The following PITPNM2 variants were observed in gnomAD, a reference collection of about 807,000 sequenced individuals.
The protein encoded by PITPNM2 is phosphatidylinositol transfer protein membrane associated 2, also known as membrane-associated phosphatidylinositol transfer protein 2.
A neutral mutation model predicts 132.2 loss-of-function variants in PITPNM2; 35 were observed. The observed-to-expected ratio is 0.26, with a 90% CI of 0.20 to 0.35. The LOEUF (loss-of-function observed/expected upper bound fraction) is 0.35, where lower values mean the gene tolerates loss of function less well. PITPNM2 is among the 10% of genes least tolerant of loss of function. The pLI is 1.00. For missense variants in PITPNM2, 1,332 were observed against 1,912.0 expected (o/e 0.70, Z 5.66); for synonymous variants, 738 against 799.2 (o/e 0.92, Z 1.29).
At chr12:122,988,203 G>A (rs1047485842) in intron 20 of PITPNM2, 31 bp downstream of exon 20, 26 of 1,572,360 alleles carry the variant, frequency 1.7e-5, no homozygotes, top group Middle Eastern at 1.7e-4. Context: ...GGGTGACATC[G>A]TGGGGGCCTG....
intron 6 of PITPNM2, among the ~76,000 whole-genome samples, chr12:123,006,863 T>C (rs1258247170): frequency 6.6e-6 from 1 of 152,026 alleles, no homozygotes; most frequent in African/African-American, 2.4e-5. Flanking sequence ...TGCTCTGAAG[T>C]TGTGCCCAGC....
chr12:123,116,136 T>C (rs1234464411), intron 1 of PITPNM2, among the ~76,000 whole-genome samples: 1 of 152,128 alleles, frequency 6.6e-6, no homozygotes, highest in African/African-American at 2.4e-5. Context: ...TAGCCAACAG[T>C]ATGGGATGGA....
At chr12:122,998,579 G>A (rs1056593729) in intron 10 of PITPNM2, among the ~76,000 whole-genome samples, 2 of 152,222 alleles carry the variant, frequency 1.3e-5, no homozygotes, top group African/African-American at 4.8e-5. Flanking sequence ...AGGGGCCACT[G>A]ATGAGTACTT....
At position 123,000,171 on chromosome 12, in the gene PITPNM2, G is replaced by A. The variant is rs988750342; in HGVS notation, c.1224+607C>T. 15 of 563,166 alleles carry A rather than the reference G, an allele frequency of 2.7e-5. No individual in the cohort carries two copies. The highest frequency in any genetic ancestry group is 1.5e-4 in the African/African-American group (8 of 53,186). The allele number at this position is 563,166 out of a possible 1,614,324, so 34.9% of individuals were successfully genotyped here. ...TAGCTTGAGGCCAGAGCAGTGCGGT[G>A]ACCGCAGGTGATGGTGGGACAGCCC... On this transcript the variant is annotated intron_variant, in intron 10 of 25. Coordinates refer to ENST00000320201, the MANE Select transcript of PITPNM2 (RefSeq NM_020845.3). The surrounding 1 kb of genome is among the most constrained non-coding windows in gnomAD (Gnocchi z 5.4).
chr12:123,054,214 G>A (rs370497880), intron 2 of PITPNM2, among the ~76,000 whole-genome samples: 5 of 151,300 alleles, frequency 3.3e-5, no homozygotes, highest in Admixed American at 3.3e-4. Flanking sequence ...TCTTGGGCTC[G>A]AGCGATCCAC....
Position 122,997,011 on chromosome 12 carries a change from T to C in PITPNM2, c.1473-101A>G, listed in dbSNP as rs571886387. Reference sequence around the variant, plus strand: ...TCTCAGCCATGGACTCAGCATACGCTAGTGAGGACCCTTCCCGGCCAGGGC... The same window carrying C: ...TCTCAGCCATGGACTCAGCATACGCCAGTGAGGACCCTTCCCGGCCAGGGC... On this transcript the variant is annotated intron_variant, in intron 11 of 25. Coordinates refer to ENST00000320201, the MANE Select transcript of PITPNM2 (RefSeq NM_020845.3). The C allele has an allele frequency of 7.8e-5, 94 of 1,198,580 alleles. No homozygotes were observed. The African/African-American group carries it at 1.2e-3, about 16-fold the overall frequency. The allele number at this position is 1,198,580 out of a possible 1,614,324, so 74.2% of individuals were successfully genotyped here.
chr12:123,138,155 A>G (rs1484794335), intron 1 of PITPNM2, among the ~76,000 whole-genome samples: 3 of 152,194 alleles, frequency 2.0e-5, no homozygotes, highest in Non-Finnish European at 4.4e-5. Context: ...TCAGTCTTAA[A>G]AAGAAAAGAC....
rs558262197 is a variant in PITPNM2 at position 123,018,183 on chromosome 12, C to T, written c.79-4141G>A. On this transcript the variant is annotated intron_variant, in intron 3 of 25. Transcript: ENST00000320201. ...CTCTTGGGCTCTAGTGATCCTCTCA[C>T]CTCAACCACCTGAGTAGCTGAGACT... Among the ~76,000 whole-genome samples, 6 of 152,012 alleles carry T rather than the reference C, an allele frequency of 3.9e-5. No individual in the cohort carries two copies. In the South Asian group the frequency reaches 1.2e-3, roughly 32 times the overall value.
At chr12:123,112,388 T>C (rs112565227) in intron 1 of PITPNM2, among the ~76,000 whole-genome samples, 306 of 152,244 alleles carry the variant, frequency 2.0e-3, no homozygotes, top group African/African-American at 7.0e-3. Context: ...TTGCTGGGGT[T>C]TGTTGCATGT....
At chr12:123,029,856 T>C (rs12318362) in intron 3 of PITPNM2, among the ~76,000 whole-genome samples, 13,865 of 148,598 alleles carry the variant, frequency 0.093, 2,111 homozygotes, top group African/African-American at 0.33. Context: ...TGTGTGTGTG[T>C]GCACTAGAGC....
At chr12:123,124,024 C>T (rs1244081610) in intron 1 of PITPNM2, among the ~76,000 whole-genome samples, 1 of 151,860 alleles carries the variant, frequency 6.6e-6, no homozygotes, top group Non-Finnish European at 1.5e-5. Flanking sequence ...GGGAGGCCGA[C>T]GCGGGCAGAT....
At chr12:123,104,157 C>T (rs1406944897) in intron 2 of PITPNM2, among the ~76,000 whole-genome samples, 1 of 152,170 alleles carries the variant, frequency 6.6e-6, no homozygotes, top group Non-Finnish European at 1.5e-5. Context: ...TCTCGAACTC[C>T]CGACCTCAGG....
intron 2 of PITPNM2, among the ~76,000 whole-genome samples, chr12:123,072,356 C>A (rs917493515): frequency 6.6e-6 from 1 of 152,200 alleles, no homozygotes; most frequent in African/African-American, 2.4e-5. Flanking sequence ...TTCTCCCCTG[C>A]CCTCCAGCCC....
intron 1 of PITPNM2, among the ~76,000 whole-genome samples, chr12:123,114,194 T>C (rs1157991243): frequency 6.6e-6 from 1 of 152,160 alleles, no homozygotes; most frequent in Admixed American, 6.5e-5. Flanking sequence ...TTTTCAATTC[T>C]TTTGGGTATA....
chr12:123,132,746 C>T (rs2137568121), intron 1 of PITPNM2, among the ~76,000 whole-genome samples: 1 of 152,094 alleles, frequency 6.6e-6, no homozygotes, highest in East Asian at 1.9e-4. Context: ...ATTCTAGGTA[C>T]CTCATATAAG....
At position 122,985,468 on chromosome 12, in the gene PITPNM2, A is replaced by C. The variant is rs1431245249; in HGVS notation, c.*559T>G. The C allele has an allele frequency of 6.5e-6, 1 of 152,740 alleles. No homozygotes were observed. Among genetic ancestry groups the C allele is most frequent in the Non-Finnish European group, 1.5e-5 (1 of 68,158 alleles). 9.5% of individuals were successfully genotyped at this position (152,740 alleles called of 1,614,324 possible). ...GCACTGGAGCCTTCAGTGTGGTTGT[A>C]GGTCCTGGGTCAGCAGGTACTGAGT... On this transcript the variant is annotated 3_prime_UTR_variant, in exon 26 of 26. Coordinates refer to ENST00000320201, the MANE Select transcript of PITPNM2 (RefSeq NM_020845.3).
chr12:123,112,025 C>G (rs185855710), intron 1 of PITPNM2, among the ~76,000 whole-genome samples: 1 of 152,060 alleles, frequency 6.6e-6, no homozygotes, highest in Non-Finnish European at 1.5e-5. Flanking sequence ...TGCTTCTCGG[C>G]GGGTGAGAAG....
At position 122,992,692 on chromosome 12, in the gene PITPNM2, C is replaced by A. The variant is rs1275126039; in HGVS notation, c.2234-23G>T. 4 of 1,533,150 alleles carry A rather than the reference C, an allele frequency of 2.6e-6. No homozygotes were observed. The highest frequency in any genetic ancestry group is 3.5e-6 in the Non-Finnish European group (4 of 1,137,518). The allele number at this position is 1,533,150 out of a possible 1,614,324, so 95.0% of individuals were successfully genotyped here. On this transcript the variant is annotated intron_variant, in intron 15 of 25. Coordinates refer to ENST00000320201, the MANE Select transcript of PITPNM2 (RefSeq NM_020845.3). This position sits in a 1 kb window ranked among gnomAD's most constrained non-coding sequence, Gnocchi z 6.5. ...AAACTGGGGGTGGGGGTGTTGGCTG[C>A]AGAGCTGGGGCTGGCCCTGAGGAGC...
rs945992754 is a variant in PITPNM2 at position 123,106,091 on chromosome 12, C to T, written c.-96+4294G>A. 4.6e-5 allele frequency among the ~76,000 whole-genome samples: 7 copies of T among 152,222 alleles called. No homozygotes were observed. Among genetic ancestry groups the T allele is most frequent in the Admixed American group, 6.5e-5 (1 of 15,294 alleles). On this transcript the variant is annotated intron_variant, in intron 2 of 25. Transcript: ENST00000320201. The surrounding 1 kb of genome is among the most constrained non-coding windows in gnomAD (Gnocchi z 4.4). ...ACCAAAAGCATCGCCCAGAAACAATCGTCTTGCCACAGGCCCCCTGCTTCT... is the reference window on the plus strand; with the variant it reads ...ACCAAAAGCATCGCCCAGAAACAATTGTCTTGCCACAGGCCCCCTGCTTCT...
Sources: gnomAD v4.1 joint callset for allele counts (sites outside exome capture counted in the v4.1 genomes callset) on GRCh38, gnomAD v4.1.1 for gene constraint, Gnocchi (gnomAD v3.1) non-coding constraint, MANE v1.5 for transcripts, NCBI Gene and HGNC (gene_info 2026-07-23, HGNC 2026-07-21) for gene names.